Variants in CD68 observed in about 807,000 individuals in gnomAD.
CD68 encodes the protein CD68 molecule.
In CD68, 24 loss-of-function variants were observed where a neutral mutation model predicts 31.3. The ratio of observed to expected loss-of-function variants is 0.77; its 90% CI spans 0.55 to 1.08. CD68 has a LOEUF of 1.08. CD68 is among the 50% of genes least tolerant of loss of function. The pLI, the probability that CD68 is intolerant of heterozygous loss-of-function variation, is 0.00. For synonymous variants in CD68, 190 were observed against 179.6 expected (o/e 1.06, Z -0.46); for missense variants, 461 against 442.5 (o/e 1.04, Z -0.38).
At position 7,581,081 on chromosome 17, in the gene CD68, C is replaced by A; in HGVS notation, c.931+15C>A. 6.2e-7 allele frequency: 1 copy of A among 1,605,568 alleles called. No individual in the cohort carries two copies. The highest frequency in any genetic ancestry group is 8.5e-7 in the Non-Finnish European group (1 of 1,173,950). On this transcript the variant is annotated intron_variant, in intron 5 of 5. Transcript: ENST00000250092. ...CTTTGGGCAAAGTAAGACCTACCTA[C>A]TCCTTCCCTCCTAGAATCCTCCCAC...
chr17:7,581,266 G>A (rs1428516743), intron 5 of CD68, 112 bp from the exon 6 acceptor site: 17 of 1,343,736 alleles, frequency 1.3e-5, no homozygotes, highest in Middle Eastern at 1.8e-4. Context: ...GAGTCACTGC[G>A]GTGAGCTCCT....
In CD68 at chr17:7,580,900, G is replaced by C; in HGVS notation, c.765G>C (p.Trp255Cys). 6.2e-7 allele frequency: 1 copy of C among 1,613,982 alleles called. No individual in the cohort carries two copies. The highest frequency in any genetic ancestry group is 8.5e-7 in the Non-Finnish European group (1 of 1,179,986). Reference sequence around the variant, plus strand: ...GACCCTTCCTCACTCCTCCAGAGTGGACATTCTCGGCTCAGAATGCATCCC... The same window carrying C: ...GACCCTTCCTCACTCCTCCAGAGTGCACATTCTCGGCTCAGAATGCATCCC... ...YNVSFPHAAQWTFSAQNASLR... is the reference protein window; with the variant it reads ...YNVSFPHAAQCTFSAQNASLR... Residue 255 changes from tryptophan to cysteine, a missense_variant, in exon 5 of 6, where the codon TGG (tryptophan) becomes TGC (cysteine). Transcript: ENST00000250092. This position sits in a 1 kb window ranked among gnomAD's most constrained non-coding sequence, Gnocchi z 4.3.
rs750945975 is a variant in CD68, at chr17:7,580,008, C to T, written c.248C>T (p.Thr83Ile). The T allele has an allele frequency of 6.2e-6, 10 of 1,609,192 alleles. No homozygotes were observed. In the East Asian group the frequency reaches 2.0e-4, roughly 32 times the overall value. Residue 83 changes from threonine (T) to isoleucine (I), a missense_variant, in exon 2 of 6, where the codon ACC becomes ATC. Transcript: ENST00000250092. This position sits in a 1 kb window ranked among gnomAD's most constrained non-coding sequence, Gnocchi z 4.3. ...GPTTATHNPT[T>I]TSHGNVTVHP... ...ACGACTGCCACTCACAACCCCACCA[C>T]CACCAGCCATGGAAACGTCACAGTT... is the stretch of plus-strand genomic sequence containing the variant.
At position 7,581,855 on chromosome 17, in the gene CD68, G is replaced by T; in HGVS notation, c.*344G>T. 1 of 277,644 alleles carries T rather than the reference G, an allele frequency of 3.6e-6. No individual in the cohort carries two copies. The highest frequency in any genetic ancestry group is 3.8e-5 in the South Asian group (1 of 26,228). The allele number at this position is 277,644 out of a possible 1,614,324, so 17.2% of individuals were successfully genotyped here. ...AGGCAGAACTGCTTGAACCCAGGAG[G>T]TGGAGGTTGCAGTGAGCCGTCATCG... On this transcript the variant is annotated 3_prime_UTR_variant, in exon 6 of 6. Coordinates refer to ENST00000250092, the MANE Select transcript of CD68 (RefSeq NM_001251.3).
In CD68 at chr17:7,580,101, C is replaced by T. The variant is rs751994445; in HGVS notation, c.341C>T (p.Thr114Ile). 2.5e-5 allele frequency: 41 copies of T among 1,614,138 alleles called. 1 individual carries two copies. The highest frequency in any genetic ancestry group is 3.3e-4 in the Middle Eastern group (2 of 6,062). ...PSTATHSPAT[T>I]SHGNATVHPT... ...ACTGCCACTCACAGTCCTGCCACCACTAGTCATGGAAATGCCACGGTTCAT... is the reference window on the plus strand; with the variant it reads ...ACTGCCACTCACAGTCCTGCCACCATTAGTCATGGAAATGCCACGGTTCAT... Residue 114 changes from threonine (T) to isoleucine (I), a missense_variant, in exon 2 of 6, where the codon ACT (threonine) becomes ATT (isoleucine). Transcript: ENST00000250092. This position sits in a 1 kb window ranked among gnomAD's most constrained non-coding sequence, Gnocchi z 4.3.
In CD68 at chr17:7,581,703, CTG is replaced by C; in HGVS notation, c.*193_*194del. On this transcript the variant is annotated 3_prime_UTR_variant, in exon 6 of 6. Transcript: ENST00000250092. ...TTGGGAGGCTGAGGCAGGTGGATCA[CTG>C]GAGGTCAGGAGTTTGAGACCAGCCT... 1 of 587,212 alleles carries C rather than the reference CTG, an allele frequency of 1.7e-6. No homozygotes were observed. Among genetic ancestry groups the C allele is most frequent in the Non-Finnish European group, 3.0e-6 (1 of 336,982 alleles). 36.4% of individuals were successfully genotyped at this position (587,212 alleles called of 1,614,324 possible). A position where few individuals can be genotyped will look rare whatever the true frequency, so the allele number is the denominator to read the frequency against.
Position 7,579,959 on chromosome 17 carries a change from A to G in CD68, c.199A>G (p.Thr67Ala), listed in dbSNP as rs765826032. ...AACCACCACTCACAGGACAACCACC[A>G]CAGGCACCACCAGCCACGGACCCAC... The part of the protein sequence containing the change: ...HKTTTHRTTT[T>A]GTTSHGPTTA... Residue 67 changes from threonine to alanine, a missense_variant, in exon 2 of 6, where the codon ACA becomes GCA. Physicochemically the swap from Thr to Ala is moderately conservative, Grantham distance 58 (BLOSUM62 0). Transcript: ENST00000250092. 3 of 1,613,848 alleles carry G rather than the reference A, an allele frequency of 1.9e-6. No individual in the cohort carries two copies. The Admixed American group carries it at 5.0e-5, about 27-fold the overall frequency.
At chr17:7,581,197 G>A in intron 5 of CD68, 131 bp downstream of exon 5, 1 of 1,158,766 alleles carries the variant, frequency 8.6e-7, no homozygotes, top group South Asian at 1.4e-5. Flanking sequence ...CATGGCTACA[G>A]GGCAGCTTTC....
At position 7,579,892 on chromosome 17, in the gene CD68, G is replaced by A. The variant is rs2071460458; in HGVS notation, c.132G>A (p.Glu44=). The A allele has an allele frequency of 6.2e-7, 1 of 1,613,888 alleles. No individual in the cohort carries two copies. Among genetic ancestry groups the A allele is most frequent in the Non-Finnish European group, 8.5e-7 (1 of 1,179,968 alleles). Reference sequence around the variant, plus strand: ...TCACGGTGACACCCACGGTTACAGAGAGCACTGGAACAACCAGCCACAGGA... The same window carrying A: ...TCACGGTGACACCCACGGTTACAGAAAGCACTGGAACAACCAGCCACAGGA... ...PSFTVTPTVT[E]STGTTSHRTT... Residue 44 remains glutamate (E), a synonymous_variant, in exon 2 of 6, where the codon GAG becomes GAA. Transcript: ENST00000250092.
Position 7,579,838 on chromosome 17 carries a change from C to T in CD68, c.78C>T (p.His26=). ...AAQGTGNDCP[H]KKSATLLPSF... ...AGGGGACAGGGAATGACTGTCCTCA[C>T]AAAAAATCAGCTACTTTGCTGCCAT... is the stretch of plus-strand genomic sequence containing the variant. The change falls in exon 2 of 6, where the codon CAC becomes CAT. Residue 26 remains histidine (H), a synonymous_variant. Coordinates refer to ENST00000250092, the MANE Select transcript of CD68 (RefSeq NM_001251.3). The T allele has an allele frequency of 1.9e-6, 3 of 1,613,828 alleles. No homozygotes were observed. The highest frequency in any genetic ancestry group is 1.7e-6 in the Non-Finnish European group (2 of 1,179,900).
In CD68 at chr17:7,580,115, G is replaced by A; in HGVS notation, c.355G>A (p.Ala119Thr). 1 of 1,614,086 alleles carries A rather than the reference G, an allele frequency of 6.2e-7. No individual in the cohort carries two copies. The highest frequency in any genetic ancestry group is 8.5e-7 in the Non-Finnish European group (1 of 1,179,996). Reference sequence around the variant, plus strand: ...TCCTGCCACCACTAGTCATGGAAATGCCACGGTTCATCCAACAAGCAACAG... The same window carrying A: ...TCCTGCCACCACTAGTCATGGAAATACCACGGTTCATCCAACAAGCAACAG... The part of the protein sequence containing the change: ...HSPATTSHGN[A>T]TVHPTSNSTA... Residue 119 changes from alanine (A) to threonine (T), a missense_variant, in exon 2 of 6, where the codon GCC becomes ACC. Coordinates refer to ENST00000250092, the MANE Select transcript of CD68 (RefSeq NM_001251.3). This position sits in a 1 kb window ranked among gnomAD's most constrained non-coding sequence, Gnocchi z 4.3.
chr17:7,581,352 ACCTACCTGC>A lies in CD68; in HGVS notation c.932-21_932-13del. On this transcript the variant is annotated splice_polypyrimidine_tract_variant and intron_variant, in intron 5 of 5. Coordinates refer to ENST00000250092, the MANE Select transcript of CD68 (RefSeq NM_001251.3). Reference sequence around the variant, plus strand: ...TCCCAACCAGCACGTCACTGCAAATACCTACCTGCCCTATCCTTCCGCCAGGTTTCTCCT... The same window carrying A: ...TCCCAACCAGCACGTCACTGCAAATACCTATCCTTCCGCCAGGTTTCTCCT... 1 of 1,613,524 alleles carries A rather than the reference ACCTACCTGC, an allele frequency of 6.2e-7. No individual in the cohort carries two copies. Among genetic ancestry groups the A allele is most frequent in the Non-Finnish European group, 8.5e-7 (1 of 1,179,776 alleles).
Position 7,580,224 on chromosome 17 carries a change from A to T in CD68, c.464A>T (p.Glu155Val). The change falls in exon 2 of 6, where the codon GAG becomes GTG. Residue 155 changes from glutamate to valine, a missense_variant. Glu to Val is a moderately radical substitution (Grantham distance 121). Coordinates refer to ENST00000250092, the MANE Select transcript of CD68 (RefSeq NM_001251.3). The surrounding 1 kb of genome is among the most constrained non-coding windows in gnomAD (Gnocchi z 4.3). ...CCGAGTCCTAGCCCAACCTCCAAGG[A>T]GACCATTGGAGACTACACGTGGACC... Reference protein sequence around the residue: ...PSPSPSPTSKETIGDYTWTNG... With the variant: ...PSPSPSPTSKVTIGDYTWTNG... The T allele has an allele frequency of 6.2e-7, 1 of 1,613,540 alleles. No individual in the cohort carries two copies. The highest frequency in any genetic ancestry group is 8.5e-7 in the Non-Finnish European group (1 of 1,179,760).
In CD68 at chr17:7,580,286, A is replaced by T. The variant is rs1444622450; in HGVS notation, c.526A>T (p.Ile176Phe). The T allele has an allele frequency of 1.2e-6, 2 of 1,613,866 alleles. No individual in the cohort carries two copies. The highest frequency in any genetic ancestry group is 1.1e-5 in the South Asian group (1 of 91,078). Residue 176 changes from isoleucine (I) to phenylalanine (F), a missense_variant, in exon 2 of 6, where the codon ATT becomes TTT. Physicochemically the swap from Ile to Phe is conservative, Grantham distance 21. Coordinates refer to ENST00000250092, the MANE Select transcript of CD68 (RefSeq NM_001251.3). The surrounding 1 kb of genome is among the most constrained non-coding windows in gnomAD (Gnocchi z 4.3). ...GCCCTGTGTCCACCTCCAAGCCCAGATTCAGATTCGAGTCATGTACACAAC... is the reference window on the plus strand; with the variant it reads ...GCCCTGTGTCCACCTCCAAGCCCAGTTTCAGATTCGAGTCATGTACACAAC... ...SQPCVHLQAQ[I>F]QIRVMYTTQG...
chr17:7,580,031 G>C lies in CD68; in HGVS notation c.271G>C (p.Val91Leu), dbSNP rs2071463204. ...CACCACCAGCCATGGAAACGTCACA[G>C]TTCATCCAACAAGCAATAGCACTGC... ...PTTTSHGNVT[V>L]HPTSNSTATS... Residue 91 changes from valine to leucine, a missense_variant, in exon 2 of 6, where the codon GTT becomes CTT. Val to Leu is a conservative substitution (Grantham distance 32). Coordinates refer to ENST00000250092, the MANE Select transcript of CD68 (RefSeq NM_001251.3). This position sits in a 1 kb window ranked among gnomAD's most constrained non-coding sequence, Gnocchi z 4.3. 6.2e-7 allele frequency: 1 copy of C among 1,613,838 alleles called. No individual in the cohort carries two copies. The highest frequency in any genetic ancestry group is 2.2e-5 in the East Asian group (1 of 44,876).
In CD68 at chr17:7,580,523, G is replaced by A. The variant is rs1267497956; in HGVS notation, c.625G>A (p.Gly209Ser). 6.2e-7 allele frequency: 1 copy of A among 1,613,928 alleles called. No homozygotes were observed. The highest frequency in any genetic ancestry group is 1.1e-5 in the South Asian group (1 of 91,066). ...NKTKVQGSCE[G>S]AHPHLLLSFP... is the part of the protein sequence containing the mutation. ...AACCAAGGTCCAGGGAAGCTGTGAG[G>A]GTGCCCATCCCCACCTGCTTCTCTC... Residue 209 changes from glycine (G) to serine (S), a missense_variant, in exon 3 of 6, where the codon GGT (glycine) becomes AGT (serine). Transcript: ENST00000250092. The surrounding 1 kb of genome is among the most constrained non-coding windows in gnomAD (Gnocchi z 4.3).
Position 7,579,845 on chromosome 17 carries a change from TC to T in CD68, c.86del (p.Ser29Ter), listed in dbSNP as rs1359313209. On this transcript the variant is annotated frameshift_variant, in exon 2 of 6. Coordinates refer to ENST00000250092, the MANE Select transcript of CD68 (RefSeq NM_001251.3). LOFTEE classifies it high-confidence loss of function. ...GTGNDCPHKK[S>X]ATLLPSFTVT... ...AGGGAATGACTGTCCTCACAAAAAATCAGCTACTTTGCTGCCATCCTTCACG... is the reference window on the plus strand; with the variant it reads ...AGGGAATGACTGTCCTCACAAAAAATAGCTACTTTGCTGCCATCCTTCACG... The T allele has an allele frequency of 1.2e-6, 2 of 1,613,698 alleles. No individual in the cohort carries two copies. The highest frequency in any genetic ancestry group is 1.1e-5 in the South Asian group (1 of 91,056).
chr17:7,579,725 A>T lies in CD68; in HGVS notation c.48A>T (p.Ala16=). ...LFSGALLGLL[A]AQGTGNDCPH... is the part of the protein sequence containing the mutation. ...CGGGGGCCCTGCTGGGGCTACTGGC[A>T]GGTAAGGAGGAAGGAGGCTGAGGGG... Residue 16 remains alanine, a splice_region_variant and synonymous_variant, in exon 1 of 6, where the codon GCA becomes GCT. Coordinates refer to ENST00000250092, the MANE Select transcript of CD68 (RefSeq NM_001251.3). The T allele has an allele frequency of 6.2e-7, 1 of 1,603,792 alleles. No individual in the cohort carries two copies. The highest frequency in any genetic ancestry group is 2.2e-5 in the East Asian group (1 of 44,810).
Position 7,579,793 on chromosome 17 carries a change from C to T in CD68, c.50-17C>T, listed in dbSNP as rs1198077796. On this transcript the variant is annotated splice_polypyrimidine_tract_variant and intron_variant, in intron 1 of 5. Coordinates refer to ENST00000250092, the MANE Select transcript of CD68 (RefSeq NM_001251.3). Reference sequence around the variant, plus strand: ...GAGCCTGCCCTGGGTTGCTAACCATCTCCTCTCTGCCAAAAGCCCAGGGGA... The same window carrying T: ...GAGCCTGCCCTGGGTTGCTAACCATTTCCTCTCTGCCAAAAGCCCAGGGGA... The T allele has an allele frequency of 5.0e-6, 8 of 1,608,694 alleles. No homozygotes were observed. The African/African-American group carries it at 6.7e-5, about 13-fold the overall frequency.
Sources: allele counts gnomAD v4.1 joint callset, GRCh38; gene constraint gnomAD v4.1.1; non-coding constraint Gnocchi (gnomAD v3.1); transcripts MANE v1.5; gene names NCBI Gene and HGNC (gene_info 2026-07-23, HGNC 2026-07-21).